The following TTC39C variants were observed in gnomAD, a reference collection of about 807,000 sequenced individuals.
The protein encoded by TTC39C is tetratricopeptide repeat protein 39C.
Under a neutral mutation model 76.3 loss-of-function variants are expected in TTC39C, and 33 were observed. The observed-to-expected ratio is 0.43, with a 90% CI of 0.33 to 0.58. The LOEUF is 0.58. Among genes scored for constraint, TTC39C ranks in the 20% least tolerant of loss-of-function variants. The pLI is 0.04. For synonymous variants in TTC39C, 254 were observed against 260.6 expected (o/e 0.97, Z 0.24); for missense variants, 595 against 701.4 (o/e 0.85, Z 1.71).
At chr18:24,123,969 G>T in intron 9 of TTC39C, 26 bp downstream of exon 9, 1 of 1,540,308 alleles carries the variant, frequency 6.5e-7, no homozygotes, top group Non-Finnish European at 8.9e-7. Flanking sequence ...TTGATCTGGT[G>T]TATTACTTAT....
rs117521522 is a variant in TTC39C at position 24,003,156 on chromosome 18, C to T, written c.-17+10118C>T. ...CACTCTCTATACTCTAGAACAACTG[C>T]ACTGTTTGAGGATTTCTGCAGTCTC... On this transcript the variant is annotated intron_variant, in intron 1 of 13. Coordinates refer to the TTC39C transcript ENST00000304621. Among the ~76,000 whole-genome samples the T allele has an allele frequency of 1.1e-3, 171 of 152,276 alleles. 2 individuals carry two copies. In the East Asian group the frequency reaches 0.031, roughly 28 times the overall value.
chr18:24,118,817 CAATTTTTTA>C (rs1186267247), intron 8 of TTC39C, among the ~76,000 whole-genome samples: 1 of 151,808 alleles, frequency 6.6e-6, no homozygotes, highest in Admixed American at 6.6e-5. Context: ...CACGCCCAGC[CAATTTTTTA>C]AAAAAAATTT....
At position 24,124,065 on chromosome 18, in the gene TTC39C, G is replaced by A. The variant is rs368411053; in HGVS notation, c.1296+122G>A. On this transcript the variant is annotated intron_variant, in intron 9 of 13. Transcript: ENST00000317571. ...CTATTTACTTGCCACATAAAGTGCA[G>A]TTCACCGCCATGCAGAGGATTCTCT... The A allele has an allele frequency of 4.7e-5, 30 of 635,694 alleles. No homozygotes were observed. The Admixed American group carries it at 5.2e-4, about 11-fold the overall frequency. The allele number at this position is 635,694 out of a possible 1,614,324, so 39.4% of individuals were successfully genotyped here. A position where few individuals can be genotyped will look rare whatever the true frequency, so the allele number is the denominator to read the frequency against.
chr18:24,068,083 A>G (rs1169982341), intron 3 of TTC39C, among the ~76,000 whole-genome samples: 1 of 152,178 alleles, frequency 6.6e-6, no homozygotes, highest in African/African-American at 2.4e-5. Context: ...ATATTTTGTC[A>G]TTAGAATGAA....
At chr18:24,075,155 T>TG (rs1404452327) in intron 4 of TTC39C, among the ~76,000 whole-genome samples, 18 of 137,422 alleles carry the variant, frequency 1.3e-4, no homozygotes, top group African/African-American at 5.1e-4. Flanking sequence ...TGTCGTGGGG[T>TG]GGGGGGAGTG....
intron 10 of TTC39C, among the ~76,000 whole-genome samples, chr18:24,126,557 C>T (rs765619797): frequency 2.6e-5 from 4 of 151,612 alleles, no homozygotes; most frequent in Non-Finnish European, 4.4e-5. Context: ...CCCTGTAATT[C>T]GAGTAGATGT....
At chr18:24,064,912 A>T (rs961774524) in intron 2 of TTC39C, among the ~76,000 whole-genome samples, 1 of 152,214 alleles carries the variant, frequency 6.6e-6, no homozygotes, top group Non-Finnish European at 1.5e-5. Context: ...TATTCAAGGT[A>T]TTTATTTCCT....
chr18:24,084,382 G>A (rs1374023929), intron 6 of TTC39C, among the ~76,000 whole-genome samples: 1 of 152,090 alleles, frequency 6.6e-6, no homozygotes, highest in Admixed American at 6.5e-5. Flanking sequence ...CTACTTGGGA[G>A]GCTGAGACAC....
intron 4 of TTC39C, among the ~76,000 whole-genome samples, chr18:24,075,247 T>C (rs559671636): frequency 4.9e-4 from 74 of 151,748 alleles, no homozygotes; most frequent in African/African-American, 1.7e-3. Context: ...CATGTATACA[T>C]ACGTAACAAA....
intron 1 of TTC39C, among the ~76,000 whole-genome samples, chr18:24,035,877 T>C (rs1048480938): frequency 9.2e-5 from 14 of 152,094 alleles, no homozygotes; most frequent in African/African-American, 3.4e-4. Context: ...ATGAAGCTTT[T>C]TCTCTGTTTT....
At chr18:24,022,265 T>C (rs1192563820) in intron 1 of TTC39C, among the ~76,000 whole-genome samples, 2 of 152,158 alleles carry the variant, frequency 1.3e-5, no homozygotes, top group East Asian at 3.9e-4. Flanking sequence ...AGAGAACACA[T>C]TCTTTTAAAG....
At chr18:24,093,664 A>G (rs1334851439) in intron 6 of TTC39C, among the ~76,000 whole-genome samples, 3 of 152,232 alleles carry the variant, frequency 2.0e-5, no homozygotes, top group Non-Finnish European at 4.4e-5. Context: ...ATCACAATAT[A>G]GTGAGTCACA....
intron 1 of TTC39C, among the ~76,000 whole-genome samples, chr18:24,030,572 C>CA (rs914463845): frequency 9.2e-5 from 14 of 151,496 alleles, no homozygotes. Flanking sequence ...GTCATAGGTG[C>CA]ACGCTGTTCG....
intron 11 of TTC39C, 91 bp downstream of exon 11, chr18:24,129,074 C>A (rs550110807): frequency 1.1e-6 from 1 of 905,920 alleles, no homozygotes; most frequent in Non-Finnish European, 1.6e-6. Flanking sequence ...AAGCACTGAA[C>A]GAAACCGAAC....
intron 10 of TTC39C, among the ~76,000 whole-genome samples, chr18:24,125,941 A>C (rs372309047): frequency 6.6e-6 from 1 of 152,222 alleles, no homozygotes; most frequent in East Asian, 1.9e-4. Context: ...TAATCCCAGC[A>C]CTTTGAAAGG....
At chr18:24,104,688 T>TGTGTG (rs1555776536) in intron 6 of TTC39C, among the ~76,000 whole-genome samples, 11 of 144,738 alleles carry the variant, frequency 7.6e-5, no homozygotes, top group African/African-American at 2.8e-4. Context: ...AGCAGGGTGT[T>TGTGTG]TGTGTGTGTG....
At chr18:24,022,298 G>T (rs1170554612) in intron 1 of TTC39C, among the ~76,000 whole-genome samples, 1 of 152,032 alleles carries the variant, frequency 6.6e-6, no homozygotes, top group African/African-American at 2.4e-5. Flanking sequence ...TGCTTTGTGG[G>T]CTGGCATTGA....
chr18:24,001,148 T>C (rs1210748430), intron 1 of TTC39C, among the ~76,000 whole-genome samples: 1 of 152,218 alleles, frequency 6.6e-6, no homozygotes, highest in African/African-American at 2.4e-5. Context: ...GCTTGGGGTC[T>C]TCTGGATAGT....
chr18:24,047,157 G>A (rs1194950593), intron 1 of TTC39C, among the ~76,000 whole-genome samples: 1 of 151,544 alleles, frequency 6.6e-6, no homozygotes, highest in Admixed American at 6.6e-5. Flanking sequence ...GCAGTGGCGC[G>A]ATCTCCGCTT....
Sources: gnomAD v4.1 joint callset for allele counts (sites outside exome capture counted in the v4.1 genomes callset) on GRCh38, gnomAD v4.1.1 for gene constraint, MANE v1.5 for transcripts, NCBI Gene and HGNC (gene_info 2026-07-23, HGNC 2026-07-21) for gene names.